BID: variants seen among roughly 807,000 people sequenced by gnomAD.
The protein encoded by BID is BH3 interacting domain death agonist, also known as BH3-interacting domain death agonist.
A neutral mutation model predicts 17.4 loss-of-function variants in BID; 19 were observed. That is an observed-to-expected ratio of 1.09 (90% confidence interval 0.76 to 1.60). BID has a LOEUF of 1.60. Among genes scored for constraint, BID ranks in the 40% most tolerant of loss-of-function variants. The pLI is 0.00. For missense variants in BID, 226 were observed against 256.0 expected (o/e 0.88, Z 0.80); for synonymous variants, 108 against 102.8 (o/e 1.05, Z -0.31).
At chr22:17,757,672 G>A (rs1017462868) in intron 1 of BID, among the ~76,000 whole-genome samples, 8 of 146,928 alleles carry the variant, frequency 5.4e-5, no homozygotes, top group Non-Finnish European at 1.0e-4. Context: ...TAGCGCCACT[G>A]TACTCCAGCC....
intron 3 of BID, among the ~76,000 whole-genome samples, chr22:17,741,459 C>T (rs2061458668): frequency 6.6e-6 from 1 of 151,936 alleles, no homozygotes. Flanking sequence ...AACTCAACTA[C>T]TCACTGTAGC....
At chr22:17,758,816 G>T (rs1238249642) in intron 1 of BID, among the ~76,000 whole-genome samples, 2 of 152,160 alleles carry the variant, frequency 1.3e-5, no homozygotes, top group East Asian at 3.8e-4. Flanking sequence ...GATGGTTGGT[G>T]GTAATGGTTG....
In BID at chr22:17,773,862, A is replaced by G; in HGVS notation, c.-59+519T>C. 1 of 679,372 alleles carries G rather than the reference A, an allele frequency of 1.5e-6. No homozygotes were observed. The highest frequency in any genetic ancestry group is 2.5e-6 in the Non-Finnish European group (1 of 402,630). 42.1% of individuals were successfully genotyped at this position (679,372 alleles called of 1,614,324 possible). A position where few individuals can be genotyped will look rare whatever the true frequency, so the allele number is the denominator to read the frequency against. On this transcript the variant is annotated intron_variant, in intron 1 of 5. Coordinates refer to ENST00000622694, the MANE Select transcript of BID (RefSeq NM_001196.4). This position sits in a 1 kb window ranked among gnomAD's most constrained non-coding sequence, Gnocchi z 4.4. ...GTGCTCTAAGGAGCGGGCGAGCCCC[A>G]GTAAGCGGCCGCTCTGACCGCGCTT...
rs200059855 is a variant in BID, at chr22:17,739,433, G to A, written c.279C>T (p.Val93=). 1.1e-5 allele frequency: 17 copies of A among 1,612,422 alleles called. No homozygotes were observed. In the African/African-American group the frequency reaches 1.2e-4, roughly 11 times the overall value. ...IRNIARHLAQ[V]GDSMDRSIPP... ...GGATGCTACGGTCCATGCTGTCCCC[G>A]ACCTGGGCGAGGTGCCTGGCAATAT... The change falls in exon 4 of 6, where the codon GTC becomes GTT. Residue 93 remains valine (V), a synonymous_variant. Transcript: ENST00000622694.
At chr22:17,756,390 CTTTCTTTCTTTTCTTTTT>C (rs1272159917) in intron 1 of BID, among the ~76,000 whole-genome samples, 1 of 137,108 alleles carries the variant, frequency 7.3e-6, no homozygotes, top group Admixed American at 7.6e-5. Context: ...TTTCTGTTCT[CTTTCTTTCTTTTCTTTTT>C]TCTCTTTCTT....
intron 2 of BID, among the ~76,000 whole-genome samples, chr22:17,745,212 G>A (rs75172416): frequency 0.036 from 5,536 of 151,842 alleles, 159 homozygotes; most frequent in East Asian, 0.086. Context: ...CACCACGCCC[G>A]GCTAATTTTT....
At chr22:17,763,781 AG>A (rs1216742896) in intron 1 of BID, among the ~76,000 whole-genome samples, 1 of 150,866 alleles carries the variant, frequency 6.6e-6, no homozygotes, top group African/African-American at 2.4e-5. Flanking sequence ...GGAAAAGAGG[AG>A]GGTAGAAGAG....
At chr22:17,766,343 G>A (rs1434018743) in intron 1 of BID, among the ~76,000 whole-genome samples, 1 of 148,498 alleles carries the variant, frequency 6.7e-6, no homozygotes, top group African/African-American at 2.5e-5. Context: ...GTGCAGTGGC[G>A]CGATCTCAGC....
At chr22:17,772,590 C>T (rs571360240) in intron 1 of BID, among the ~76,000 whole-genome samples, 9 of 152,324 alleles carry the variant, frequency 5.9e-5, no homozygotes, top group South Asian at 2.1e-4. Context: ...GGATGACTCA[C>T]GGCCCTTCTG....
At chr22:17,740,267 T>A in intron 3 of BID, 1 of 1,145,868 alleles carries the variant, frequency 8.7e-7, no homozygotes, top group Non-Finnish European at 1.3e-6. Context: ...TGGCACTCAG[T>A]AGGTGCTCAA....
At chr22:17,740,115 T>C in intron 3 of BID, 1 of 1,165,714 alleles carries the variant, frequency 8.6e-7, no homozygotes, top group East Asian at 2.2e-5. Context: ...CACGCTCAAC[T>C]GCCACGCTCC....
At chr22:17,743,043 CCCCATGT>C (rs1274732627) in intron 3 of BID, among the ~76,000 whole-genome samples, 4 of 152,250 alleles carry the variant, frequency 2.6e-5, no homozygotes, top group South Asian at 2.1e-4. Context: ...AGGGGCCTGG[CCCCATGT>C]CCCAGTGGTA....
intron 5 of BID, among the ~76,000 whole-genome samples, chr22:17,736,513 A>C (rs1326039203): frequency 2.6e-5 from 4 of 152,050 alleles, no homozygotes; most frequent in African/African-American, 9.6e-5. Context: ...AAATTTACAA[A>C]TAAGACACAT....
intron 2 of BID, 74 bp downstream of exon 2, chr22:17,750,031 G>C: frequency 2.8e-6 from 4 of 1,435,642 alleles, no homozygotes; most frequent in Non-Finnish European, 3.9e-6. Context: ...AGGGATGCGT[G>C]GTGGGGGACA....
chr22:17,758,692 G>T (rs556777477), intron 1 of BID, among the ~76,000 whole-genome samples: 1 of 152,326 alleles, frequency 6.6e-6, no homozygotes, highest in Middle Eastern at 3.4e-3. Flanking sequence ...GGGGTGCCCA[G>T]AGTAGTCAAC....
Position 17,751,241 on chromosome 22 carries a change from G to A in BID, c.-58-1067C>T, listed in dbSNP as rs532738850. ...CAAAAAATTAGCCGGGCGCGGTGGC[G>A]GGCGCCTGTAGTCCCAGCTACTCGG... On this transcript the variant is annotated intron_variant, in intron 1 of 5. Transcript: ENST00000622694. Among the ~76,000 whole-genome samples the A allele has an allele frequency of 2.2e-3, 337 of 151,692 alleles. 3 individuals carry two copies. The highest frequency in any genetic ancestry group is 0.01 in the Middle Eastern group (3 of 294).
At chr22:17,771,625 A>C (rs978007178) in intron 1 of BID, among the ~76,000 whole-genome samples, 1 of 152,194 alleles carries the variant, frequency 6.6e-6, no homozygotes, top group Non-Finnish European at 1.5e-5. Context: ...CCAAGAATTC[A>C]ATCTGCAAGG....
At chr22:17,747,727 G>A (rs2061504184) in intron 2 of BID, among the ~76,000 whole-genome samples, 2 of 152,198 alleles carry the variant, frequency 1.3e-5, no homozygotes, top group South Asian at 4.1e-4. Flanking sequence ...TGCAAGACAT[G>A]TTACAAAAAT....
intron 1 of BID, among the ~76,000 whole-genome samples, chr22:17,756,455 CTTTCTTTCTTTCTTTCTTTCT>C (rs1569047752): frequency 3.5e-4 from 35 of 100,106 alleles, no homozygotes; most frequent in African/African-American, 1.3e-3. Flanking sequence ...TTCTTTCTTT[CTTTCTTTCTTTCTTTCTTTCT>C]TTTCTTTCTT....
Sources: gnomAD v4.1 joint callset for allele counts (sites outside exome capture counted in the v4.1 genomes callset) on GRCh38, gnomAD v4.1.1 for gene constraint, Gnocchi (gnomAD v3.1) non-coding constraint, MANE v1.5 for transcripts, NCBI Gene and HGNC (gene_info 2026-07-23, HGNC 2026-07-21) for gene names.